CPS1: variants seen among roughly 807,000 people sequenced by gnomAD.
CPS1 encodes carbamoyl-phosphate synthase 1, also known as carbamoyl-phosphate synthase [ammonia], mitochondrial.
CPS1 carries 109 observed loss-of-function variants against 174.6 expected under a neutral mutation model. The observed-to-expected ratio is 0.62, with a 90% CI of 0.53 to 0.73. The LOEUF is 0.73. Ranked by LOEUF, CPS1 falls within the 30% of genes least tolerant of loss-of-function variation. The pLI is 0.00. For missense variants in CPS1, 1,689 were observed against 1,821.9 expected (o/e 0.93, Z 1.33); for synonymous variants, 637 against 632.0 (o/e 1.01, Z -0.12).
At chr2:210,670,785 C>T (rs1701274824) in intron 34 of CPS1, among the ~76,000 whole-genome samples, 1 of 152,082 alleles carries the variant, frequency 6.6e-6, no homozygotes, top group Non-Finnish European at 1.5e-5. Context: ...TACTCCTTTA[C>T]ACATACAGAC....
intron 21 of CPS1, among the ~76,000 whole-genome samples, chr2:210,626,605 G>T (rs1196460846): frequency 6.6e-6 from 1 of 152,100 alleles, no homozygotes; most frequent in East Asian, 1.9e-4. Context: ...TATTGTCAAA[G>T]ATTATATACA....
chr2:210,614,342 T>C (rs1256474961), intron 20 of CPS1, among the ~76,000 whole-genome samples: 1 of 151,926 alleles, frequency 6.6e-6, no homozygotes, highest in Non-Finnish European at 1.5e-5. Flanking sequence ...GTATTACGAA[T>C]AGTGCTGCAA....
At chr2:210,537,442 C>T (rs1306121546) in intron 1 of CPS1, among the ~76,000 whole-genome samples, 1 of 152,188 alleles carries the variant, frequency 6.6e-6, no homozygotes, top group African/African-American at 2.4e-5. Flanking sequence ...TGCCATCCTC[C>T]TCCAGTGGTG....
intron 8 of CPS1, 52 bp downstream of exon 8, chr2:210,590,286 G>T (rs548645471): frequency 1.1e-5 from 18 of 1,609,964 alleles, no homozygotes; most frequent in Middle Eastern, 1.7e-4. Flanking sequence ...GGGGGCTTCC[G>T]CTCTATACCC....
At chr2:210,642,776 G>A (rs1574632903) in intron 25 of CPS1, 111 bp downstream of exon 25, 1 of 1,004,210 alleles carries the variant, frequency 1.0e-6, no homozygotes, top group African/African-American at 1.6e-5. Flanking sequence ...CCTCTTAGAA[G>A]AAAGGGCTGC....
intron 1 of CPS1, among the ~76,000 whole-genome samples, chr2:210,566,626 A>G (rs1014157734): frequency 4.6e-5 from 7 of 152,232 alleles, no homozygotes; most frequent in African/African-American, 1.7e-4. Context: ...TTAGAAAAAG[A>G]AAAAGAGGTT....
intron 1 of CPS1, among the ~76,000 whole-genome samples, chr2:210,511,789 A>T (rs1574480798): frequency 6.6e-6 from 1 of 152,090 alleles, no homozygotes; most frequent in African/African-American, 2.4e-5. Flanking sequence ...AGGACTATAG[A>T]CTAAACTCAA....
intron 6 of CPS1, among the ~76,000 whole-genome samples, chr2:210,586,116 T>C (rs567816500): frequency 2.6e-5 from 4 of 151,934 alleles, no homozygotes; most frequent in Non-Finnish European, 5.9e-5. Context: ...ATTGATATTA[T>C]CTGGTATTCC....
At chr2:210,478,793 T>C (rs1252582777) in intron 1 of CPS1, among the ~76,000 whole-genome samples, 1 of 152,198 alleles carries the variant, frequency 6.6e-6, no homozygotes, top group Non-Finnish European at 1.5e-5. Context: ...ATGTGAAGCA[T>C]GCGTCTAAAC....
intron 1 of CPS1, among the ~76,000 whole-genome samples, chr2:210,559,684 G>T (rs1361975884): frequency 6.6e-6 from 1 of 152,088 alleles, no homozygotes; most frequent in African/African-American, 2.4e-5. Context: ...GTAATAGTGG[G>T]ATATACTCTG....
chr2:210,637,700 A>G lies in CPS1; in HGVS notation c.2688-2A>G. The G allele has an allele frequency of 1.9e-6, 3 of 1,613,870 alleles. No individual in the cohort carries two copies. Among genetic ancestry groups the G allele is most frequent in the Non-Finnish European group, 2.5e-6 (3 of 1,179,826 alleles). ...GAATCTCTCTTTTCTATTAAATCCT[A>G]GTGAGTCCATGACAGAAGAAACCCT... On this transcript the variant is annotated splice_acceptor_variant, in intron 21 of 37. Transcript: ENST00000233072. LOFTEE classifies it high-confidence loss of function.
At position 210,573,345 on chromosome 2, in the gene CPS1, T is replaced by C. The variant is rs1574540146; in HGVS notation, c.174T>C (p.Gly58=). The change falls in exon 2 of 38, where the codon GGT becomes GGC. Residue 58 remains glycine (G), a synonymous_variant. Coordinates refer to ENST00000233072, the MANE Select transcript of CPS1 (RefSeq NM_001875.5). ...TGGAAGATGGAACTAAGATGAAAGG[T>C]TACTCCTTTGGCCATCCATCCTCTG... The part of the protein sequence containing the change: ...IVLEDGTKMK[G]YSFGHPSSVA... 6.2e-7 allele frequency: 1 copy of C among 1,613,274 alleles called. No homozygotes were observed. Among genetic ancestry groups the C allele is most frequent in the East Asian group, 2.2e-5 (1 of 44,868 alleles).
At chr2:210,592,851 A>AATT in intron 10 of CPS1, 28 bp from the exon 11 acceptor site, 1 of 1,585,844 alleles carries the variant, frequency 6.3e-7, no homozygotes, top group Non-Finnish European at 8.7e-7. Context: ...TTACAGAAGG[A>AATT]ATTTCTTCCT....
At chr2:210,505,818 C>T (rs997531667) in intron 1 of CPS1, among the ~76,000 whole-genome samples, 2 of 152,184 alleles carry the variant, frequency 1.3e-5, no homozygotes, top group African/African-American at 4.8e-5. Context: ...GATCAAACTG[C>T]AAGGTGGCAG....
chr2:210,510,888 C>T (rs1447289032), intron 1 of CPS1, among the ~76,000 whole-genome samples: 3 of 152,136 alleles, frequency 2.0e-5, no homozygotes, highest in Non-Finnish European at 2.9e-5. Flanking sequence ...ACAACAGGTG[C>T]TGAAGAGGAT....
At chr2:210,676,780 A>G (rs1270954579) in intron 36 of CPS1, among the ~76,000 whole-genome samples, 1 of 152,202 alleles carries the variant, frequency 6.6e-6, no homozygotes, top group Non-Finnish European at 1.5e-5. Context: ...TAAAGAGAAA[A>G]CAAACATCTG....
At chr2:210,558,080 A>G (rs574625118) in intron 1 of CPS1, among the ~76,000 whole-genome samples, 132 of 152,028 alleles carry the variant, frequency 8.7e-4, no homozygotes, top group African/African-American at 3.2e-3. Flanking sequence ...CCCAGGAGAA[A>G]AGAGGAAATA....
intron 1 of CPS1, among the ~76,000 whole-genome samples, chr2:210,490,145 A>G (rs13016272): frequency 0.17 from 26,069 of 152,174 alleles, 2,462 homozygotes; most frequent in Admixed American, 0.26. Flanking sequence ...GAGTGATTCA[A>G]CTACTCTCAG....
In CPS1 at chr2:210,663,155, T is replaced by C. The variant is rs1233768209; in HGVS notation, c.3960T>C (p.Asp1320=). 1 of 1,613,964 alleles carries C rather than the reference T, an allele frequency of 6.2e-7. No homozygotes were observed. Among genetic ancestry groups the C allele is most frequent in the Non-Finnish European group, 8.5e-7 (1 of 1,179,998 alleles). ...APMFSWPRLR[D]ADPILRCEMA... ...TGTTTTCCTGGCCCCGGTTGAGGGA[T>C]GCTGACCCCATTCTGAGATGTGAGA... The change falls in exon 33 of 38, where the codon GAT becomes GAC. Residue 1320 remains aspartate, a synonymous_variant. Transcript: ENST00000233072.
Sources: gnomAD v4.1 joint callset for allele counts (sites outside exome capture counted in the v4.1 genomes callset) on GRCh38, gnomAD v4.1.1 for gene constraint, MANE v1.5 for transcripts, NCBI Gene and HGNC (gene_info 2026-07-23, HGNC 2026-07-21) for gene names.